PLA2G4A: variants seen among roughly 807,000 people sequenced by gnomAD.
PLA2G4A encodes the protein phospholipase A2 group IVA, also known as cytosolic phospholipase A2.
Under a neutral mutation model 81.9 loss-of-function variants are expected in PLA2G4A, and 40 were observed. The observed-to-expected ratio is 0.49, with a 90% CI of 0.38 to 0.64. The LOEUF (loss-of-function observed/expected upper bound fraction) is 0.64. Ranked by LOEUF, PLA2G4A falls within the 30% of genes least tolerant of loss-of-function variation. The pLI is 0.00. For missense variants in PLA2G4A, 715 were observed against 905.1 expected, an observed-to-expected ratio of 0.79 and a Z score of 2.69; for synonymous variants, 302 against 296.9, an observed-to-expected ratio of 1.02 and a Z score of -0.18.
intron 7 of PLA2G4A, among the ~76,000 whole-genome samples, chr1:186,914,033 GT>G (rs1444286896): frequency 6.6e-6 from 1 of 152,028 alleles, no homozygotes; most frequent in African/African-American, 2.4e-5. Context: ...CTTCATTAAA[GT>G]TTATTTTAAA....
At chr1:186,973,202 A>C (rs796918435) in intron 15 of PLA2G4A, among the ~76,000 whole-genome samples, 10 of 152,326 alleles carry the variant, frequency 6.6e-5, no homozygotes, top group African/African-American at 2.4e-4. Flanking sequence ...TTAAGGCATC[A>C]ACAGGGATGT....
At chr1:186,951,009 G>T (rs534430286) in intron 13 of PLA2G4A, among the ~76,000 whole-genome samples, 1 of 152,200 alleles carries the variant, frequency 6.6e-6, no homozygotes, top group Non-Finnish European at 1.5e-5. Flanking sequence ...TCTATTTTAA[G>T]TCTGATTAGA....
At chr1:186,896,920 C>T (rs549518025) in intron 5 of PLA2G4A, among the ~76,000 whole-genome samples, 3 of 152,156 alleles carry the variant, frequency 2.0e-5, no homozygotes, top group East Asian at 3.9e-4. Context: ...TGGGAGTGCC[C>T]TGTGCCAGCC....
At chr1:186,867,598 T>C (rs926859548) in intron 2 of PLA2G4A, among the ~76,000 whole-genome samples, 2 of 152,146 alleles carry the variant, frequency 1.3e-5, no homozygotes, top group Non-Finnish European at 2.9e-5. Flanking sequence ...AGTTTTTTTT[T>C]AATTGATTAT....
At chr1:186,934,831 C>A (rs988392197) in intron 8 of PLA2G4A, among the ~76,000 whole-genome samples, 1 of 151,900 alleles carries the variant, frequency 6.6e-6, no homozygotes. Context: ...ATTTCATCCT[C>A]TCTGATTGGC....
intron 1 of PLA2G4A, among the ~76,000 whole-genome samples, chr1:186,838,862 C>G (rs940239727): frequency 2.0e-5 from 3 of 151,994 alleles, no homozygotes; most frequent in Admixed American, 2.0e-4. Context: ...AATAGACCAT[C>G]CAAAAAAAGG....
At chr1:186,830,478 G>A (rs10798059) in intron 1 of PLA2G4A, among the ~76,000 whole-genome samples, 61,305 of 151,100 alleles carry the variant, frequency 0.41, 12,719 homozygotes, top group East Asian at 0.62. Context: ...CGTGGTGGCA[G>A]GTGCCTGTAA....
At chr1:186,896,500 T>C (rs1654338009) in intron 5 of PLA2G4A, among the ~76,000 whole-genome samples, 2 of 152,258 alleles carry the variant, frequency 1.3e-5, no homozygotes, top group African/African-American at 2.4e-5. Flanking sequence ...GTTTCTAGCA[T>C]AGGCTCTCAG....
chr1:186,954,513 A>T (rs1304422918), intron 13 of PLA2G4A, among the ~76,000 whole-genome samples: 1 of 152,126 alleles, frequency 6.6e-6, no homozygotes, highest in Non-Finnish European at 1.5e-5. Context: ...GGGTGCAGCA[A>T]ACCAACATGA....
At chr1:186,843,988 T>C (rs1051898492) in intron 1 of PLA2G4A, among the ~76,000 whole-genome samples, 6 of 152,194 alleles carry the variant, frequency 3.9e-5, no homozygotes, top group African/African-American at 1.4e-4. Context: ...GACTTAGGAA[T>C]ACAAATGGAG....
At chr1:186,955,491 A>T (rs1571439693) in intron 13 of PLA2G4A, among the ~76,000 whole-genome samples, 1 of 152,284 alleles carries the variant, frequency 6.6e-6, no homozygotes, top group East Asian at 1.9e-4. Context: ...GAGAAAAGGA[A>T]GAAATCAATT....
chr1:186,931,876 T>C (rs1031819405), intron 7 of PLA2G4A, among the ~76,000 whole-genome samples: 7 of 152,150 alleles, frequency 4.6e-5, no homozygotes, highest in African/African-American at 1.7e-4. Context: ...GATAGCATCA[T>C]CTGCTTAAGA....
chr1:186,904,178 A>C (rs1241315207), intron 5 of PLA2G4A, among the ~76,000 whole-genome samples: 4 of 152,228 alleles, frequency 2.6e-5, no homozygotes, highest in African/African-American at 9.7e-5. Flanking sequence ...TGGGGAATTT[A>C]AAGATGACAT....
intron 15 of PLA2G4A, among the ~76,000 whole-genome samples, chr1:186,972,046 G>C (rs1657374377): frequency 6.6e-6 from 1 of 151,966 alleles, no homozygotes; most frequent in Admixed American, 6.6e-5. Context: ...GTCATATTTT[G>C]TCAAGAAGAT....
chr1:186,924,967 G>A (rs969339518), intron 7 of PLA2G4A, among the ~76,000 whole-genome samples: 2 of 151,936 alleles, frequency 1.3e-5, no homozygotes, highest in Non-Finnish European at 2.9e-5. Flanking sequence ...AGGATCACTT[G>A]AACCCAGGAA....
At chr1:186,959,367 G>A (rs112936769) in intron 14 of PLA2G4A, among the ~76,000 whole-genome samples, 1 of 136,724 alleles carries the variant, frequency 7.3e-6, no homozygotes, top group African/African-American at 2.7e-5. Context: ...CCCAAATATG[G>A]CATTATATAA....
intron 10 of PLA2G4A, among the ~76,000 whole-genome samples, chr1:186,945,343 C>T (rs531546066): frequency 1.2e-4 from 19 of 152,234 alleles, no homozygotes; most frequent in African/African-American, 4.3e-4. Flanking sequence ...GGAGTGGGAT[C>T]TAGGCCAGGA....
At chr1:186,946,192 T>C (rs1325003450) in intron 10 of PLA2G4A, among the ~76,000 whole-genome samples, 6 of 152,154 alleles carry the variant, frequency 3.9e-5, no homozygotes, top group African/African-American at 9.7e-5. Context: ...GTGAGCAAAA[T>C]TGAAGTGAAG....
intron 17 of PLA2G4A, among the ~76,000 whole-genome samples, chr1:186,983,302 T>G (rs1364762881): frequency 6.6e-6 from 1 of 152,156 alleles, no homozygotes; most frequent in Non-Finnish European, 1.5e-5. Flanking sequence ...AAACGGTGGA[T>G]GGACATTGTG....
Sources: allele counts gnomAD v4.1 joint callset (sites outside exome capture counted in the v4.1 genomes callset), GRCh38; gene constraint gnomAD v4.1.1; transcripts MANE v1.5; gene names NCBI Gene and HGNC (gene_info 2026-07-23, HGNC 2026-07-21).